The following C12orf56 variants were observed in gnomAD, a reference collection of about 807,000 sequenced individuals.
C12orf56 encodes the protein uncharacterized protein C12orf56.
Under a neutral mutation model 69.9 loss-of-function variants are expected in C12orf56, and 71 were observed. The ratio of observed to expected loss-of-function variants is 1.02; its 90% CI spans 0.84 to 1.24. The LOEUF (loss-of-function observed/expected upper bound fraction) is 1.24, where lower values mean the gene tolerates loss of function less well. C12orf56 is among the 50% of genes most tolerant of loss of function. C12orf56 has a pLI of 0.00. For synonymous variants in C12orf56, 276 were observed against 274.1 expected (o/e 1.01, Z -0.07); for missense variants, 732 against 738.5 (o/e 0.99, Z 0.10).
chr12:64,346,499 A>G (rs781369797), intron 2 of C12orf56, among the ~76,000 whole-genome samples: 26 of 152,174 alleles, frequency 1.7e-4, no homozygotes, highest in Non-Finnish European at 3.1e-4. Flanking sequence ...AATCAAGTTG[A>G]CACTCAGTAT....
intron 4 of C12orf56, among the ~76,000 whole-genome samples, chr12:64,313,666 T>C (rs1475858088): frequency 6.6e-6 from 1 of 151,276 alleles, no homozygotes; most frequent in Non-Finnish European, 1.5e-5. Context: ...ATATATTTAA[T>C]CCTAAATTAT....
At chr12:64,372,677 C>G (rs936277688) in intron 1 of C12orf56, among the ~76,000 whole-genome samples, 22 of 152,072 alleles carry the variant, frequency 1.4e-4, no homozygotes, top group Admixed American at 2.0e-4. Flanking sequence ...ATATGTCCAG[C>G]TAATTTTTGT....
intron 2 of C12orf56, among the ~76,000 whole-genome samples, chr12:64,351,736 A>G (rs990964898): frequency 4.6e-5 from 7 of 152,094 alleles, no homozygotes; most frequent in African/African-American, 1.7e-4. Flanking sequence ...CCTCATGTAT[A>G]CTGGGTATTC....
intron 3 of C12orf56, among the ~76,000 whole-genome samples, chr12:64,325,952 T>C (rs2038833396): frequency 6.6e-6 from 1 of 152,148 alleles, no homozygotes; most frequent in South Asian, 2.1e-4. Flanking sequence ...CCAGTCCAAA[T>C]CCTCTTCTAT....
In C12orf56 at chr12:64,374,584, C is replaced by T. The variant is rs371107715; in HGVS notation, c.252+15730G>A. ...TTTCCGAGATGGAGTCTCGCTGTCA[C>T]CTAGGCTGGAGTGCAGTGGCGAGAT... On this transcript the variant is annotated intron_variant, in intron 1 of 12. Transcript: ENST00000543942. Among the ~76,000 whole-genome samples, 32 of 151,516 alleles carry T rather than the reference C, an allele frequency of 2.1e-4. 1 individual carries two copies. The South Asian group carries it at 6.7e-3, about 32-fold the overall frequency.
intron 9 of C12orf56, among the ~76,000 whole-genome samples, chr12:64,276,480 G>A (rs2038052508): frequency 2.0e-5 from 3 of 152,082 alleles, no homozygotes; most frequent in Non-Finnish European, 4.4e-5. Context: ...TCTGAGTCTT[G>A]GTTCCACCCC....
chr12:64,345,853 G>T (rs1315345816), intron 2 of C12orf56, among the ~76,000 whole-genome samples: 1 of 152,152 alleles, frequency 6.6e-6, no homozygotes, highest in East Asian at 1.9e-4. Flanking sequence ...TAAACTCCTT[G>T]TCTCTCATGA....
At chr12:64,363,750 G>C (rs1218643966) in intron 1 of C12orf56, among the ~76,000 whole-genome samples, 1 of 152,198 alleles carries the variant, frequency 6.6e-6, no homozygotes, top group African/African-American at 2.4e-5. Flanking sequence ...ACTGATGACA[G>C]ATCATGATGC....
chr12:64,269,735 T>G (rs1349521506), intron 12 of C12orf56, among the ~76,000 whole-genome samples: 1 of 151,974 alleles, frequency 6.6e-6, no homozygotes, highest in Non-Finnish European at 1.5e-5. Context: ...ATTACAGGCG[T>G]GCACCACCAG....
At chr12:64,269,422 G>A (rs765430021) in intron 12 of C12orf56, among the ~76,000 whole-genome samples, 5 of 152,128 alleles carry the variant, frequency 3.3e-5, no homozygotes, top group Non-Finnish European at 5.9e-5. Context: ...AGCCAATGCT[G>A]GCTACTGTTC....
chr12:64,334,844 A>G (rs1046692756), intron 2 of C12orf56, among the ~76,000 whole-genome samples: 5 of 152,172 alleles, frequency 3.3e-5, no homozygotes, highest in African/African-American at 1.2e-4. Context: ...AAAATATACC[A>G]CTAAAGCCTG....
chr12:64,300,923 G>T (rs2038435810), intron 6 of C12orf56, among the ~76,000 whole-genome samples: 1 of 152,166 alleles, frequency 6.6e-6, no homozygotes, highest in Non-Finnish European at 1.5e-5. Flanking sequence ...TGTCGAGGGA[G>T]GGTCCTGGTG....
chr12:64,300,063 G>T (rs2038424067), intron 6 of C12orf56, among the ~76,000 whole-genome samples: 1 of 152,132 alleles, frequency 6.6e-6, no homozygotes, highest in Admixed American at 6.6e-5. Flanking sequence ...AGATCAAAAG[G>T]AGGAAGGTAC....
At chr12:64,314,380 A>T (rs559661929) in intron 4 of C12orf56, among the ~76,000 whole-genome samples, 4 of 152,332 alleles carry the variant, frequency 2.6e-5, no homozygotes, top group Non-Finnish European at 5.9e-5. Context: ...GGCATAAGCC[A>T]CTGCATCCAA....
chr12:64,320,411 C>T (rs866462382), intron 3 of C12orf56, among the ~76,000 whole-genome samples: 41 of 152,142 alleles, frequency 2.7e-4, no homozygotes, highest in Non-Finnish European at 8.8e-5. Flanking sequence ...CCCACCTCTG[C>T]CTCCACCTCC....
At chr12:64,298,882 A>G (rs1276896893) in intron 6 of C12orf56, among the ~76,000 whole-genome samples, 1 of 152,170 alleles carries the variant, frequency 6.6e-6, no homozygotes, top group East Asian at 1.9e-4. Flanking sequence ...TTGGTTCCAT[A>G]TGAACTTTAA....
intron 1 of C12orf56, among the ~76,000 whole-genome samples, chr12:64,359,250 T>C (rs935635416): frequency 7.9e-5 from 12 of 152,188 alleles, no homozygotes; most frequent in African/African-American, 2.9e-4. Flanking sequence ...CTTTGTCCTA[T>C]TATATTTCTC....
chr12:64,309,179 A>C (rs1011733645), intron 5 of C12orf56, among the ~76,000 whole-genome samples: 3 of 152,220 alleles, frequency 2.0e-5, no homozygotes, highest in Admixed American at 1.3e-4. Flanking sequence ...TGTACAATTC[A>C]GTGGCATTAA....
At chr12:64,283,431 C>T (rs1270606859) in intron 8 of C12orf56, among the ~76,000 whole-genome samples, 1 of 152,148 alleles carries the variant, frequency 6.6e-6, no homozygotes, top group Non-Finnish European at 1.5e-5. Context: ...TACTGTCCCC[C>T]CCTATACATT....
Sources: allele counts gnomAD v4.1 joint callset (sites outside exome capture counted in the v4.1 genomes callset), GRCh38; gene constraint gnomAD v4.1.1; transcripts MANE v1.5; gene names NCBI Gene and HGNC (gene_info 2026-07-23, HGNC 2026-07-21).